The following TMEM163 variants were observed in gnomAD, a reference collection of about 807,000 sequenced individuals.
TMEM163 encodes transmembrane protein 163.
In TMEM163, 17 loss-of-function variants were observed where a neutral mutation model predicts 29.3. That is an observed-to-expected ratio of 0.58 (90% CI 0.40 to 0.87). The LOEUF (loss-of-function observed/expected upper bound fraction) is 0.87. Among genes scored for constraint, TMEM163 ranks in the 40% least tolerant of loss-of-function variants. The pLI, the probability that TMEM163 is intolerant of heterozygous loss-of-function variation, is 0.00. For synonymous variants in TMEM163, 157 were observed against 160.6 expected (o/e 0.98, Z 0.17); for missense variants, 303 against 381.5 (o/e 0.79, Z 1.71).
At chr2:134,678,678 C>T (rs1684169828) in intron 2 of TMEM163, among the ~76,000 whole-genome samples, 1 of 152,186 alleles carries the variant, frequency 6.6e-6, no homozygotes. Context: ...AGTCCTTTCC[C>T]ATTCCCCAGG....
chr2:134,659,912 G>A (rs58861613), intron 2 of TMEM163, among the ~76,000 whole-genome samples: 22,883 of 151,796 alleles, frequency 0.15, 2,552 homozygotes, highest in African/African-American at 0.32. Context: ...ACTACAGCCT[G>A]GGCAACAGAG....
At chr2:134,676,181 C>T (rs1684111056) in intron 2 of TMEM163, among the ~76,000 whole-genome samples, 1 of 152,170 alleles carries the variant, frequency 6.6e-6, no homozygotes, top group Non-Finnish European at 1.5e-5. Flanking sequence ...ATACACTCTC[C>T]CCATTGCCAA....
At chr2:134,479,166 G>A (rs1284197868) in intron 5 of TMEM163, among the ~76,000 whole-genome samples, 1 of 152,202 alleles carries the variant, frequency 6.6e-6, no homozygotes, top group African/African-American at 2.4e-5. Context: ...TTGTTTGTAA[G>A]CTGCCCAGTC....
intron 5 of TMEM163, among the ~76,000 whole-genome samples, chr2:134,480,447 C>T (rs528870059): frequency 6.6e-6 from 1 of 152,282 alleles, no homozygotes; most frequent in African/African-American, 2.4e-5. Context: ...CATTTATACA[C>T]ATGTGCTTAA....
intron 7 of TMEM163, 81 bp from the exon 8 acceptor site, chr2:134,456,857 T>TC: frequency 7.5e-7 from 1 of 1,335,934 alleles, no homozygotes; most frequent in Non-Finnish European, 1.0e-6. Context: ...ATTTTTTTTT[T>TC]CCTGAGATAA....
chr2:134,535,291 G>C (rs1170477076), intron 4 of TMEM163, among the ~76,000 whole-genome samples: 3 of 152,170 alleles, frequency 2.0e-5, no homozygotes, highest in Non-Finnish European at 4.4e-5. Context: ...CACAGAGCAA[G>C]CACTTTCTTG....
intron 2 of TMEM163, among the ~76,000 whole-genome samples, chr2:134,711,330 A>G (rs1384029317): frequency 1.3e-5 from 2 of 152,194 alleles, no homozygotes; most frequent in Non-Finnish European, 2.9e-5. Context: ...CACAAATACT[A>G]AAGCTACTCT....
chr2:134,690,048 A>G (rs554421996), intron 2 of TMEM163, among the ~76,000 whole-genome samples: 1 of 152,072 alleles, frequency 6.6e-6, no homozygotes, highest in Admixed American at 6.6e-5. Flanking sequence ...CTCGTGCCTC[A>G]GCCTCTGAAA....
chr2:134,597,900 G>A (rs964523322), intron 2 of TMEM163, among the ~76,000 whole-genome samples: 12 of 152,118 alleles, frequency 7.9e-5, no homozygotes, highest in East Asian at 5.8e-4. Flanking sequence ...GTTTATTTGC[G>A]TTGAGGTATT....
intron 2 of TMEM163, among the ~76,000 whole-genome samples, chr2:134,649,042 T>C (rs1035637973): frequency 1.3e-5 from 2 of 152,176 alleles, no homozygotes; most frequent in African/African-American, 2.4e-5. Flanking sequence ...ACTGGAGACA[T>C]AATTCTCAGA....
intron 2 of TMEM163, among the ~76,000 whole-genome samples, chr2:134,561,796 C>G (rs1277129263): frequency 3.9e-5 from 6 of 152,230 alleles, no homozygotes; most frequent in Admixed American, 3.3e-4. Context: ...GCCAGACTAA[C>G]ATGAGTAGCC....
At chr2:134,680,967 A>G (rs1684218404) in intron 2 of TMEM163, among the ~76,000 whole-genome samples, 1 of 152,202 alleles carries the variant, frequency 6.6e-6, no homozygotes, top group African/African-American at 2.4e-5. Flanking sequence ...ACCTCTGGAA[A>G]CTATTGGAAT....
At chr2:134,620,258 T>TC in intron 2 of TMEM163, among the ~76,000 whole-genome samples, 1 of 131,142 alleles carries the variant, frequency 7.6e-6, no homozygotes, top group African/African-American at 2.9e-5. Context: ...ATCTAATTTC[T>TC]TTTTTTTTTT....
intron 4 of TMEM163, among the ~76,000 whole-genome samples, chr2:134,516,677 A>ATATATG (rs1680067473): frequency 2.2e-5 from 3 of 137,796 alleles, no homozygotes; most frequent in African/African-American, 5.2e-5. Context: ...ATATAGTCAT[A>ATATATG]CATATATGCA....
chr2:134,633,615 C>T (rs1214655765), intron 2 of TMEM163, among the ~76,000 whole-genome samples: 2 of 152,082 alleles, frequency 1.3e-5, no homozygotes, highest in Non-Finnish European at 2.9e-5. Context: ...CAAGGTCTAA[C>T]CATAGATTAG....
chr2:134,639,698 A>G (rs1683185407), intron 2 of TMEM163, among the ~76,000 whole-genome samples: 1 of 152,262 alleles, frequency 6.6e-6, no homozygotes, highest in African/African-American at 2.4e-5. Flanking sequence ...AAAATGCCAC[A>G]GAAACAAGCA....
At chr2:134,524,835 T>C (rs1237184623) in intron 4 of TMEM163, among the ~76,000 whole-genome samples, 2 of 150,430 alleles carry the variant, frequency 1.3e-5, no homozygotes, top group East Asian at 4.0e-4. Context: ...AACATATACA[T>C]GCATGTATGT....
intron 2 of TMEM163, among the ~76,000 whole-genome samples, chr2:134,686,983 G>T (rs1164361229): frequency 1.3e-5 from 2 of 152,160 alleles, no homozygotes; most frequent in Non-Finnish European, 2.9e-5. Context: ...TAGGGAAGCT[G>T]ATTTTTTCAC....
chr2:134,609,916 A>C (rs920716584), intron 2 of TMEM163, among the ~76,000 whole-genome samples: 44 of 152,050 alleles, frequency 2.9e-4, no homozygotes, highest in Non-Finnish European at 5.4e-4. Flanking sequence ...TGTGCTGGTG[A>C]AAAGGGCACA....
Sources: gnomAD v4.1 joint callset for allele counts (sites outside exome capture counted in the v4.1 genomes callset) on GRCh38, gnomAD v4.1.1 for gene constraint, MANE v1.5 for transcripts, NCBI Gene and HGNC (gene_info 2026-07-23, HGNC 2026-07-21) for gene names.